Variants in PRKAR1A observed in about 807,000 individuals in gnomAD.
PRKAR1A encodes cAMP-dependent protein kinase type I-alpha regulatory subunit.
Under a neutral mutation model 52.0 loss-of-function variants are expected in PRKAR1A, and 3 were observed. The ratio of observed to expected loss-of-function variants is 0.06; its 90% CI spans 0.03 to 0.15. The LOEUF (loss-of-function observed/expected upper bound fraction) is 0.15. Among genes scored for constraint, PRKAR1A ranks in the 10% least tolerant of loss-of-function variants. The pLI, the probability that PRKAR1A is intolerant of heterozygous loss-of-function variation, is 1.00. For synonymous variants in PRKAR1A, 188 were observed against 168.4 expected (o/e 1.12, Z -0.90); for missense variants, 240 against 477.4 (o/e 0.50, Z 4.63).
chr17:68,426,917 G>A, the PRKAR1A span, among the ~76,000 whole-genome samples: 1 of 152,180 alleles, frequency 6.6e-6, no homozygotes, highest in African/African-American at 2.4e-5. Context: ...GCCAGGTTGA[G>A]GGTCCCAGGT....
chr17:68,454,913 C>T, the PRKAR1A span, among the ~76,000 whole-genome samples: 1 of 150,724 alleles, frequency 6.6e-6, no homozygotes, highest in Non-Finnish European at 1.5e-5. Flanking sequence ...TGATGTTTTA[C>T]GTGATTGATC....
At chr17:68,428,713 A>C in the PRKAR1A span, 1 of 771,158 alleles carries the variant, frequency 1.3e-6, no homozygotes, top group Non-Finnish European at 2.1e-6. Flanking sequence ...TGCCACTGAG[A>C]CTGCCAGTGA....
the PRKAR1A span, among the ~76,000 whole-genome samples, chr17:68,431,920 C>T: frequency 6.6e-6 from 1 of 152,178 alleles, no homozygotes; most frequent in Admixed American, 6.5e-5. Flanking sequence ...CGATCACTCA[C>T]TCGTGGAACC....
At chr17:68,422,600 A>G in the PRKAR1A span, 1 of 151,760 alleles carries the variant, frequency 6.6e-6, no homozygotes, top group East Asian at 1.9e-4. Flanking sequence ...GCATGGTAGC[A>G]TGCCTGAAAC....
chr17:68,421,554 A>T, the PRKAR1A span: 4 of 583,876 alleles, frequency 6.9e-6, no homozygotes, highest in Admixed American at 5.8e-5. Flanking sequence ...TATTTTAAAT[A>T]GCATGATGTG....
the PRKAR1A span, among the ~76,000 whole-genome samples, chr17:68,480,770 G>A: frequency 2.0e-5 from 3 of 152,092 alleles, no homozygotes; most frequent in African/African-American, 4.8e-5. Flanking sequence ...GGCTGGTCTC[G>A]AACTTCTGGA....
chr17:68,441,963 T>C, the PRKAR1A span, among the ~76,000 whole-genome samples: 1 of 152,216 alleles, frequency 6.6e-6, no homozygotes, highest in Non-Finnish European at 1.5e-5. Context: ...TTCTTTTATC[T>C]GAGACAGAGG....
chr17:68,539,538 C>CT, intron 11 of PRKAR1A: 1 of 763,294 alleles, frequency 1.3e-6, no homozygotes, highest in Non-Finnish European at 2.3e-6. Context: ...TCCAGCCCCT[C>CT]TCCCCAGTCA....
chr17:68,544,460 C>T (rs533727411), intron 11 of PRKAR1A, among the ~76,000 whole-genome samples: 17 of 152,136 alleles, frequency 1.1e-4, no homozygotes, highest in African/African-American at 3.4e-4. Context: ...GACTTTGCCT[C>T]GAGGCTAATA....
At chr17:68,418,970 C>G in the PRKAR1A span, among the ~76,000 whole-genome samples, 2 of 148,668 alleles carry the variant, frequency 1.3e-5, no homozygotes, top group African/African-American at 5.0e-5. Flanking sequence ...TTAATTATGT[C>G]ATATTTATTT....
the PRKAR1A span, among the ~76,000 whole-genome samples, chr17:68,458,710 T>G: frequency 6.6e-6 from 1 of 152,250 alleles, no homozygotes; most frequent in Non-Finnish European, 1.5e-5. Flanking sequence ...GCGGAATTAC[T>G]GTCAATACGG....
At chr17:68,473,914 T>C in the PRKAR1A span, among the ~76,000 whole-genome samples, 4 of 152,182 alleles carry the variant, frequency 2.6e-5, no homozygotes, top group African/African-American at 9.7e-5. Context: ...CCCTAAAACC[T>C]TGGAAACTGG....
chr17:68,488,075 G>T, the PRKAR1A span, among the ~76,000 whole-genome samples: 1 of 152,124 alleles, frequency 6.6e-6, no homozygotes, highest in Non-Finnish European at 1.5e-5. Flanking sequence ...GGGTGGCATG[G>T]GGAGAGTTGC....
At chr17:68,457,597 G>GCCCCTACC in the PRKAR1A span, 1 of 355,848 alleles carries the variant, frequency 2.8e-6, no homozygotes, top group Non-Finnish European at 4.3e-6. Context: ...CCCCGTCCCC[G>GCCCCTACC]CCGCGTCCCC....
At chr17:68,445,054 G>A in the PRKAR1A span, among the ~76,000 whole-genome samples, 2 of 151,676 alleles carry the variant, frequency 1.3e-5, no homozygotes, top group African/African-American at 2.4e-5. Flanking sequence ...CTGAGTAGCT[G>A]GGATTACATG....
chr17:68,461,413 AG>A, the PRKAR1A span, among the ~76,000 whole-genome samples: 1 of 152,188 alleles, frequency 6.6e-6, no homozygotes, highest in Admixed American at 6.5e-5. The surrounding 1 kb of genome is among the most constrained non-coding windows in gnomAD (Gnocchi z 4.6). Flanking sequence ...AATGCTGATT[AG>A]GGCATGCACA....
chr17:68,532,462 G>T lies in PRKAR1A; in HGVS notation c.*2013G>T. The T allele has an allele frequency of 9.4e-7, 1 of 1,060,712 alleles. No homozygotes were observed. The highest frequency in any genetic ancestry group is 1.1e-6 in the Non-Finnish European group (1 of 874,956). The allele number at this position is 1,060,712 out of a possible 1,614,324, so 65.7% of individuals were successfully genotyped here. A position where few individuals can be genotyped will look rare whatever the true frequency, so the allele number is the denominator to read the frequency against. ...TTTTAATTAAAAACTTTAAAGATAA[G>T]TCTACATTAAACAATGATCACATCT... On this transcript the variant is annotated 3_prime_UTR_variant, in exon 11 of 11. Transcript: ENST00000589228.
chr17:68,489,295 G>GTATA, the PRKAR1A span, among the ~76,000 whole-genome samples: 36 of 14,390 alleles, frequency 2.5e-3, 5 homozygotes, highest in Non-Finnish European at 3.1e-3. Context: ...TATATGGAAA[G>GTATA]TATATATATA....
chr17:68,543,683 TAGA>T lies in PRKAR1A; in HGVS notation c.974-7395_974-7393del, dbSNP rs768121766. The T allele has an allele frequency of 3.7e-5, 60 of 1,613,928 alleles. No individual in the cohort carries two copies. Among genetic ancestry groups the T allele is most frequent in the South Asian group, 1.2e-4 (11 of 91,082 alleles). On this transcript the variant is annotated intron_variant, in intron 11 of 11. Coordinates refer to the PRKAR1A transcript ENST00000585981. ...ATTGTGTCTCTGAAAGTCAATGAAG[TAGA>T]AGAAGTCCACTGGTGTCTCCTCATC...
Sources: gnomAD v4.1 joint callset for allele counts (sites outside exome capture counted in the v4.1 genomes callset) on GRCh38, gnomAD v4.1.1 for gene constraint, Gnocchi (gnomAD v3.1) non-coding constraint, MANE v1.5 for transcripts, NCBI Gene and HGNC (gene_info 2026-07-23, HGNC 2026-07-21) for gene names.